Variants in GMDS observed in about 807,000 individuals in gnomAD.
GMDS encodes the protein GDP-mannose 4,6 dehydratase.
GMDS carries 20 observed loss-of-function variants against 49.9 expected under a neutral mutation model. That is an observed-to-expected ratio of 0.40 (90% CI 0.28 to 0.58). GMDS has a LOEUF of 0.58. Ranked by LOEUF, GMDS falls within the 20% of genes least tolerant of loss-of-function variation. The pLI is 0.42. For synonymous variants in GMDS, 177 were observed against 178.6 expected (o/e 0.99, Z 0.07); for missense variants, 362 against 481.4 (o/e 0.75, Z 2.32).
In GMDS at chr6:1,850,292, A is replaced by G. The variant is rs528246129; in HGVS notation, c.771+79811T>C. Among the ~76,000 whole-genome samples, 29 of 152,346 alleles carry G rather than the reference A, an allele frequency of 1.9e-4. 2 individuals carry two copies. In the South Asian group the frequency reaches 5.4e-3, roughly 28 times the overall value. ...AGTGTCTATTACCCAGGTTCTGCTC[A>G]TTAGAAACTCATTATTATGGACCTA... On this transcript the variant is annotated intron_variant, in intron 7 of 10. Transcript: ENST00000380815.
chr6:1,854,182 T>G (rs1561847251), intron 7 of GMDS, among the ~76,000 whole-genome samples: 1 of 152,342 alleles, frequency 6.6e-6, no homozygotes, highest in East Asian at 1.9e-4. Context: ...AAGTCGTATT[T>G]TAATGTGCAC....
intron 4 of GMDS, among the ~76,000 whole-genome samples, chr6:2,023,315 G>A (rs1185496889): frequency 6.6e-6 from 1 of 152,170 alleles, no homozygotes; most frequent in Non-Finnish European, 1.5e-5. Flanking sequence ...AATGATGATG[G>A]CCATAAGCTA....
At chr6:2,078,291 T>G (rs541665390) in intron 4 of GMDS, among the ~76,000 whole-genome samples, 1 of 152,168 alleles carries the variant, frequency 6.6e-6, no homozygotes, top group South Asian at 2.1e-4. Flanking sequence ...CTGATCTACA[T>G]TATTTCTTTC....
At chr6:2,073,050 C>T (rs1171255161) in intron 4 of GMDS, among the ~76,000 whole-genome samples, 3 of 152,184 alleles carry the variant, frequency 2.0e-5, no homozygotes, top group Non-Finnish European at 4.4e-5. Flanking sequence ...GTTCTGTTTC[C>T]ACCATGGGAT....
intron 7 of GMDS, among the ~76,000 whole-genome samples, chr6:1,809,223 C>T (rs1770310377): frequency 6.6e-6 from 1 of 152,084 alleles, no homozygotes; most frequent in African/African-American, 2.4e-5. Context: ...TGGTCAGAAT[C>T]CAATCAAGAA....
chr6:1,785,136 T>C (rs1769265407), intron 7 of GMDS, among the ~76,000 whole-genome samples: 1 of 152,190 alleles, frequency 6.6e-6, no homozygotes, highest in South Asian at 2.1e-4. Flanking sequence ...ACCCATTATT[T>C]TCTAACAGAG....
chr6:1,664,940 A>G (rs1365800955), intron 9 of GMDS, among the ~76,000 whole-genome samples: 1 of 152,170 alleles, frequency 6.6e-6, no homozygotes, highest in Non-Finnish European at 1.5e-5. Context: ...CACACACCAC[A>G]CGTGCTATGT....
At chr6:1,784,136 G>T (rs1308213530) in intron 7 of GMDS, among the ~76,000 whole-genome samples, 2 of 152,098 alleles carry the variant, frequency 1.3e-5, no homozygotes, top group African/African-American at 2.4e-5. Flanking sequence ...CATTTAAAAA[G>T]ATTTCTGAGT....
chr6:1,667,697 T>A (rs1764278652), intron 9 of GMDS, among the ~76,000 whole-genome samples: 1 of 151,890 alleles, frequency 6.6e-6, no homozygotes. Context: ...CTTTTGTATT[T>A]TTTTTTCTTT....
intron 4 of GMDS, among the ~76,000 whole-genome samples, chr6:1,991,405 A>C (rs1241169579): frequency 6.6e-6 from 1 of 151,894 alleles, no homozygotes; most frequent in Non-Finnish European, 1.5e-5. Flanking sequence ...ACTTCACTTC[A>C]TTGTCAAACA....
At chr6:1,868,644 G>A (rs1481881350) in intron 7 of GMDS, among the ~76,000 whole-genome samples, 4 of 152,190 alleles carry the variant, frequency 2.6e-5, no homozygotes, top group African/African-American at 9.7e-5. Flanking sequence ...AGTCACCAAA[G>A]TGGCATAGTT....
chr6:1,876,023 AAAAAG>A lies in GMDS; in HGVS notation c.771+54075_771+54079del, dbSNP rs1451530516. Among the ~76,000 whole-genome samples the A allele has an allele frequency of 4.4e-3, 669 of 151,546 alleles. 3 individuals carry two copies. The highest frequency in any genetic ancestry group is 0.015 in the African/African-American group (631 of 41,286). Reference sequence around the variant, plus strand: ...ACGAGAGAGCACTATCTCAAAAAAAAAAAAGAAAAGAAAAGAAAAAAAATGTGAGC... The same window carrying A: ...ACGAGAGAGCACTATCTCAAAAAAAAAAAAGAAAAGAAAAAAAATGTGAGC... On this transcript the variant is annotated intron_variant, in intron 7 of 10. Coordinates refer to ENST00000380815, the MANE Select transcript of GMDS (RefSeq NM_001500.4).
At chr6:2,042,777 T>C (rs548999837) in intron 4 of GMDS, among the ~76,000 whole-genome samples, 100 of 152,274 alleles carry the variant, frequency 6.6e-4, no homozygotes, top group African/African-American at 2.3e-3. Context: ...TGAAACTTAA[T>C]ATTTTTTAAA....
chr6:1,750,852 A>G (rs1051675372), intron 7 of GMDS, among the ~76,000 whole-genome samples: 11 of 152,176 alleles, frequency 7.2e-5, no homozygotes, highest in Admixed American at 5.2e-4. Context: ...GCACAGCAGT[A>G]TGAAGTTGAC....
intron 1 of GMDS, among the ~76,000 whole-genome samples, chr6:2,208,463 T>C (rs370131839): frequency 6.6e-6 from 1 of 152,234 alleles, no homozygotes; most frequent in East Asian, 1.9e-4. Context: ...CTACTATTTC[T>C]GATCGCCAGT....
At chr6:2,013,931 T>TATATATATATATATATAC (rs1215181386) in intron 4 of GMDS, among the ~76,000 whole-genome samples, 3 of 9,832 alleles carry the variant, frequency 3.1e-4, no homozygotes, top group African/African-American at 4.6e-4. Flanking sequence ...AAACCATATA[T>TATATATATATATATATAC]ATATATATAT....
intron 7 of GMDS, among the ~76,000 whole-genome samples, chr6:1,921,444 A>G (rs1761710910): frequency 6.6e-6 from 1 of 152,238 alleles, no homozygotes. Context: ...ATTCCAATCA[A>G]GCAAGACCTA....
intron 9 of GMDS, among the ~76,000 whole-genome samples, chr6:1,700,983 A>G (rs1448534171): frequency 6.6e-6 from 1 of 152,236 alleles, no homozygotes; most frequent in Non-Finnish European, 1.5e-5. Context: ...CCAGGAAGCC[A>G]GCTCAGGCTG....
chr6:2,202,694 C>T (rs1779606064), intron 1 of GMDS, among the ~76,000 whole-genome samples: 2 of 152,070 alleles, frequency 1.3e-5, no homozygotes, highest in South Asian at 4.1e-4. Context: ...CATGAAAGAG[C>T]TATTGAATCT....
Sources: allele counts gnomAD v4.1 joint callset (sites outside exome capture counted in the v4.1 genomes callset), GRCh38; gene constraint gnomAD v4.1.1; transcripts MANE v1.5; gene names NCBI Gene and HGNC (gene_info 2026-07-23, HGNC 2026-07-21).